Variants in LSAMP observed in about 807,000 individuals in gnomAD.
LSAMP encodes limbic system-associated membrane protein.
LSAMP carries 7 observed loss-of-function variants against 38.6 expected under a neutral mutation model. That is an observed-to-expected ratio of 0.18 (90% confidence interval 0.10 to 0.34). The LOEUF is 0.34. Among genes scored for constraint, LSAMP ranks in the 10% least tolerant of loss-of-function variants. The probability of loss-of-function intolerance (pLI) is 1.00; values close to 1 mark genes in which losing one functional copy is unlikely to be tolerated. For synonymous variants in LSAMP, 154 were observed against 166.8 expected (o/e 0.92, Z 0.59); for missense variants, 313 against 420.0 (o/e 0.75, Z 2.23).
At chr3:116,296,353 C>T (rs1259761801) in intron 1 of LSAMP, among the ~76,000 whole-genome samples, 1 of 152,072 alleles carries the variant, frequency 6.6e-6, no homozygotes, top group African/African-American at 2.4e-5. Context: ...GCAATATTTG[C>T]TTTGTTCAAG....
chr3:115,920,676 G>A (rs1313115307), intron 3 of LSAMP, among the ~76,000 whole-genome samples: 3 of 152,104 alleles, frequency 2.0e-5, no homozygotes, highest in African/African-American at 7.2e-5. Context: ...TTGCTGTTGG[G>A]TGGGGTATTC....
chr3:116,322,402 C>T (rs2107731480), intron 1 of LSAMP, among the ~76,000 whole-genome samples: 1 of 152,172 alleles, frequency 6.6e-6, no homozygotes, highest in East Asian at 1.9e-4. Flanking sequence ...CAACCAGGAA[C>T]ATCCAAACAT....
rs1231198898 is a variant in LSAMP at position 116,411,420 on chromosome 3, T to C, written c.155+33457A>G. 3.3e-5 allele frequency among the ~76,000 whole-genome samples: 5 copies of C among 151,890 alleles called. No individual in the cohort carries two copies. The East Asian group carries it at 5.8e-4, about 18-fold the overall frequency. On this transcript the variant is annotated intron_variant, in intron 1 of 6. Transcript: ENST00000490035. ...GACTGGATTAAGAAAATGTGGCACATAGACACCATGGAATACTATGCAGCC... is the reference window on the plus strand; with the variant it reads ...GACTGGATTAAGAAAATGTGGCACACAGACACCATGGAATACTATGCAGCC...
chr3:115,826,495 CACCT>C (rs1576116273), intron 6 of LSAMP, among the ~76,000 whole-genome samples: 1 of 152,158 alleles, frequency 6.6e-6, no homozygotes, highest in East Asian at 1.9e-4. Flanking sequence ...TCTCCCCAAA[CACCT>C]ACCAGTTATC....
At chr3:116,304,772 G>A (rs2107710183) in intron 1 of LSAMP, among the ~76,000 whole-genome samples, 1 of 152,202 alleles carries the variant, frequency 6.6e-6, no homozygotes, top group African/African-American at 2.4e-5. Flanking sequence ...CTAAGGCCAT[G>A]GTGCTGACGG....
intron 3 of LSAMP, among the ~76,000 whole-genome samples, chr3:115,873,993 G>A (rs1312101022): frequency 6.6e-6 from 1 of 152,126 alleles, no homozygotes; most frequent in Non-Finnish European, 1.5e-5. Context: ...GAGCCTCTAT[G>A]TAATAAGAAA....
intron 1 of LSAMP, among the ~76,000 whole-genome samples, chr3:116,338,986 T>A (rs981715674): frequency 6.6e-6 from 1 of 151,982 alleles, no homozygotes; most frequent in Non-Finnish European, 1.5e-5. Flanking sequence ...GAAGACTTTG[T>A]TAGAGTGTTG....
At chr3:116,211,170 C>T (rs931590450) in intron 1 of LSAMP, among the ~76,000 whole-genome samples, 13 of 152,016 alleles carry the variant, frequency 8.6e-5, no homozygotes, top group South Asian at 4.1e-4. Context: ...AGAAGAATGA[C>T]GGTTACCAGG....
At chr3:115,919,088 C>A (rs566959776) in intron 3 of LSAMP, among the ~76,000 whole-genome samples, 1 of 152,268 alleles carries the variant, frequency 6.6e-6, no homozygotes, top group South Asian at 2.1e-4. Flanking sequence ...TCCTGTAGGG[C>A]AGACCACACA....
chr3:115,819,136 C>T (rs944498374), intron 6 of LSAMP, among the ~76,000 whole-genome samples: 29 of 150,398 alleles, frequency 1.9e-4, no homozygotes, highest in African/African-American at 6.6e-4. Context: ...GGCAACAGAG[C>T]GAGACTCCAT....
At chr3:116,197,367 C>T (rs755569077) in intron 1 of LSAMP, among the ~76,000 whole-genome samples, 7 of 152,180 alleles carry the variant, frequency 4.6e-5, no homozygotes, top group Non-Finnish European at 8.8e-5. Context: ...GAGCCAGCTG[C>T]TTCAAGATGC....
chr3:115,939,842 A>G (rs571141035), intron 3 of LSAMP, among the ~76,000 whole-genome samples: 3 of 152,096 alleles, frequency 2.0e-5, no homozygotes, highest in Middle Eastern at 3.4e-3. Context: ...TACAGGCCCT[A>G]TGTTTTCTTC....
chr3:116,326,633 A>G (rs2047776916), intron 1 of LSAMP, among the ~76,000 whole-genome samples: 1 of 152,168 alleles, frequency 6.6e-6, no homozygotes, highest in Non-Finnish European at 1.5e-5. Context: ...TTCCTCAGCC[A>G]TGTGACTTTC....
chr3:115,909,889 CTG>C (rs10575322), intron 3 of LSAMP, among the ~76,000 whole-genome samples: 20,713 of 152,078 alleles, frequency 0.14, 1,504 homozygotes, highest in Middle Eastern at 0.21. Flanking sequence ...TTTAAAATAT[CTG>C]TGTTTCACTC....
chr3:116,077,632 A>G (rs186633687), intron 2 of LSAMP, among the ~76,000 whole-genome samples: 18 of 152,292 alleles, frequency 1.2e-4, no homozygotes, highest in Non-Finnish European at 2.2e-4. Context: ...CTTTGAAATA[A>G]TTTCAAGTTT....
At chr3:116,441,128 T>C (rs1358276834) in intron 1 of LSAMP, among the ~76,000 whole-genome samples, 1 of 152,246 alleles carries the variant, frequency 6.6e-6, no homozygotes, top group African/African-American at 2.4e-5. Flanking sequence ...TTCATTTAGA[T>C]ACTTAGTTTC....
chr3:116,158,110 A>T (rs1341867205), intron 1 of LSAMP, among the ~76,000 whole-genome samples: 1 of 152,164 alleles, frequency 6.6e-6, no homozygotes, highest in African/African-American at 2.4e-5. Context: ...CAAAAAAGAG[A>T]TCATCTTAAT....
chr3:116,018,188 T>G (rs962115390), intron 3 of LSAMP, among the ~76,000 whole-genome samples: 7 of 152,048 alleles, frequency 4.6e-5, no homozygotes, highest in Admixed American at 4.6e-4. Flanking sequence ...TAAGGATGGG[T>G]TTTGAGTGAC....
intron 3 of LSAMP, among the ~76,000 whole-genome samples, chr3:115,938,731 G>A (rs915930007): frequency 1.8e-4 from 27 of 152,078 alleles, no homozygotes; most frequent in African/African-American, 6.5e-4. Context: ...CAATATAGAA[G>A]GACAAGTAGT....
Sources: allele counts gnomAD v4.1 joint callset (sites outside exome capture counted in the v4.1 genomes callset), GRCh38; gene constraint gnomAD v4.1.1; transcripts MANE v1.5; gene names NCBI Gene and HGNC (gene_info 2026-07-23, HGNC 2026-07-21).